Variants in PRRC2B observed in about 807,000 individuals in gnomAD.
PRRC2B encodes the protein protein PRRC2B.
A neutral mutation model predicts 242.3 loss-of-function variants in PRRC2B; 68 were observed. The observed-to-expected ratio is 0.28, with a 90% CI of 0.23 to 0.34. The LOEUF (loss-of-function observed/expected upper bound fraction) is 0.34, where lower values mean the gene tolerates loss of function less well. PRRC2B is among the 10% of genes least tolerant of loss of function. The pLI is 1.00. For missense variants in PRRC2B, 2,835 were observed against 2,954.8 expected, an observed-to-expected ratio of 0.96 and a Z score of 0.94; for synonymous variants, 1,228 against 1,173.6, an observed-to-expected ratio of 1.05 and a Z score of -0.95.
intron 2 of PRRC2B, among the ~76,000 whole-genome samples, chr9:131,431,973 T>C (rs1838190117): frequency 6.6e-6 from 1 of 152,106 alleles, no homozygotes; most frequent in Non-Finnish European, 1.5e-5. Flanking sequence ...TTTGTATTTT[T>C]AGTAGAGACA....
rs1332233780 is a variant in PRRC2B, at chr9:131,491,362, T to C, written c.6226-63T>C. The C allele has an allele frequency of 4.7e-6, 7 of 1,479,892 alleles. No homozygotes were observed. The South Asian group carries it at 9.8e-5, about 21-fold the overall frequency. 91.7% of individuals were successfully genotyped at this position (1,479,892 alleles called of 1,614,324 possible). On this transcript the variant is annotated intron_variant, in intron 28 of 31. Coordinates refer to ENST00000683519, the MANE Select transcript of PRRC2B (RefSeq NM_013318.4). ...CTGAAGTGCATGTGCGGTCGCTCTT[T>C]GGTGCGTTTGGGGTTTCTCCATAGC... is the stretch of plus-strand genomic sequence containing the variant.
In PRRC2B at chr9:131,411,527, T is replaced by C. The variant is rs867205012; in HGVS notation, c.-52+17264T>C. ...ACGCCTGGCTAATTTTTTGTATTTT[T>C]AGTAGAGACAGGGTTTCACTGTGTT... is the stretch of plus-strand genomic sequence containing the variant. On this transcript the variant is annotated intron_variant, in intron 1 of 31. Transcript: ENST00000683519. Among the ~76,000 whole-genome samples, 7 of 151,720 alleles carry C rather than the reference T, an allele frequency of 4.6e-5. No homozygotes were observed. In the South Asian group the frequency reaches 1.5e-3, roughly 32 times the overall value.
chr9:131,382,285 A>G (rs925772330), intron 1 of PRRC2B, among the ~76,000 whole-genome samples: 8 of 152,096 alleles, frequency 5.3e-5, no homozygotes, highest in Non-Finnish European at 8.8e-5. Flanking sequence ...TCAAAGTGCT[A>G]GGATTACAGA....
chr9:131,411,410 A>C (rs1238427488), intron 1 of PRRC2B, among the ~76,000 whole-genome samples: 45 of 147,096 alleles, frequency 3.1e-4, no homozygotes, highest in Admixed American at 1.7e-3. Context: ...GCAGTGGCGC[A>C]ATCTCGGCTC....
chr9:131,471,771 G>A (rs893398011), intron 14 of PRRC2B, among the ~76,000 whole-genome samples: 8 of 152,198 alleles, frequency 5.3e-5, no homozygotes, highest in African/African-American at 1.9e-4. Flanking sequence ...TTTCTCTGTA[G>A]CCTCTTCCAT....
rs1235366378 is a variant in PRRC2B, at chr9:131,499,909, G to GT, written c.*4038dup. 7.2e-5 allele frequency: 11 copies of GT among 152,218 alleles called. No individual in the cohort carries two copies. Among genetic ancestry groups the GT allele is most frequent in the Non-Finnish European group, 1.6e-4 (11 of 68,048 alleles). 9.4% of individuals were successfully genotyped at this position (152,218 alleles called of 1,614,324 possible). Reference sequence around the variant, plus strand: ...TTGTGTTTTGTTTTTGTTTCCTTTTGTTTATGTTTTGGCCTTTCCTCTTTG... The same window carrying GT: ...TTGTGTTTTGTTTTTGTTTCCTTTTGTTTTATGTTTTGGCCTTTCCTCTTTG... On this transcript the variant is annotated 3_prime_UTR_variant, in exon 32 of 32. Coordinates refer to ENST00000683519, the MANE Select transcript of PRRC2B (RefSeq NM_013318.4).
chr9:131,433,349 C>T (rs2131329367), intron 3 of PRRC2B, among the ~76,000 whole-genome samples: 1 of 152,314 alleles, frequency 6.6e-6, no homozygotes, highest in African/African-American at 2.4e-5. Flanking sequence ...CTGCAGCCTC[C>T]CTGGAGGCTC....
intron 1 of PRRC2B, among the ~76,000 whole-genome samples, chr9:131,412,673 C>T (rs373847104): frequency 6.6e-6 from 1 of 152,132 alleles, no homozygotes; most frequent in African/African-American, 2.4e-5. Context: ...CCCTGTAATT[C>T]TAGTGAAAAT....
Position 131,465,059 on chromosome 9 carries a change from C to G in PRRC2B, c.1701C>G (p.Asn567Lys), listed in dbSNP as rs750456771. Residue 567 changes from asparagine to lysine, a missense_variant, in exon 12 of 32, where the codon AAC (asparagine) becomes AAG (lysine). Coordinates refer to ENST00000683519, the MANE Select transcript of PRRC2B (RefSeq NM_013318.4). ...PSAEKASPQENGPAVHKGSPE... is the reference protein window; with the variant it reads ...PSAEKASPQEKGPAVHKGSPE... ...CTGAGAAGGCATCTCCCCAGGAAAA[C>G]GGCCCTGCTGTCCACAAAGGTAAGA... The G allele has an allele frequency of 1.2e-6, 2 of 1,613,414 alleles. No homozygotes were observed. Among genetic ancestry groups the G allele is most frequent in the African/African-American group, 1.3e-5 (1 of 75,030 alleles).
intron 23 of PRRC2B, 76 bp downstream of exon 23, chr9:131,483,521 G>A (rs1943932647): frequency 1.5e-6 from 2 of 1,318,582 alleles, no homozygotes; most frequent in Non-Finnish European, 2.2e-6. Flanking sequence ...GACAGCACAT[G>A]TATTTCAGGC....
In PRRC2B at chr9:131,470,886, C is replaced by T. The variant is rs374472470; in HGVS notation, c.2010C>T (p.Phe670=). 42 of 1,602,562 alleles carry T rather than the reference C, an allele frequency of 2.6e-5. No individual in the cohort carries two copies. Among genetic ancestry groups the T allele is most frequent in the African/African-American group, 2.7e-5 (2 of 74,456 alleles). Residue 670 remains phenylalanine (F), a synonymous_variant, in exon 14 of 32, where the codon TTC becomes TTT. Transcript: ENST00000683519. ...CACACCACCCCCAGATGTTGGGCTT[C>T]GATCCCAGGTGGATGATGATGCCTT... ...FYPHHPQMLG[F]DPRWMMMPSY... is the part of the protein sequence containing the mutation.
upstream of PRRC2B, among the ~76,000 whole-genome samples, chr9:131,393,562 AT>A (rs973962610): frequency 6.6e-6 from 1 of 152,178 alleles, no homozygotes; most frequent in Non-Finnish European, 1.5e-5. Context: ...AAAAAGTATT[AT>A]TTCTGCTTCC....
chr9:131,436,809 C>G (rs1368216052), intron 4 of PRRC2B, 87 bp downstream of exon 4: 3 of 1,101,094 alleles, frequency 2.7e-6, no homozygotes, highest in Non-Finnish European at 4.1e-6. Flanking sequence ...GGAGTTGCTA[C>G]TGAGAAGTGT....
In PRRC2B at chr9:131,475,961, G is replaced by A; in HGVS notation, c.3832G>A (p.Asp1278Asn). Reference sequence around the variant, plus strand: ...GGGCTTTGAGGACAGCCGCGCGGAGGACAAGAGATCCTTCTTCCAAGATGA... The same window carrying A: ...GGGCTTTGAGGACAGCCGCGCGGAGAACAAGAGATCCTTCTTCCAAGATGA... ...GRGFEDSRAE[D>N]KRSFFQDEHV... Residue 1278 changes from aspartate (D) to asparagine (N), a missense_variant, in exon 16 of 32, where the codon GAC (aspartate) becomes AAC (asparagine). Physicochemically the swap from Asp to Asn is conservative, Grantham distance 23. Around this residue, in one of 7 missense-constraint regions of PRRC2B, gnomAD observed 1,536 missense variants for 1,483.1 expected, o/e 1.04. Transcript: ENST00000683519. 4 of 1,612,906 alleles carry A rather than the reference G, an allele frequency of 2.5e-6. No homozygotes were observed. Among genetic ancestry groups the A allele is most frequent in the Non-Finnish European group, 3.4e-6 (4 of 1,179,044 alleles).
At chr9:131,402,101 C>G (rs1474802323) in intron 1 of PRRC2B, among the ~76,000 whole-genome samples, 1 of 152,060 alleles carries the variant, frequency 6.6e-6, no homozygotes, top group Non-Finnish European at 1.5e-5. Flanking sequence ...TCCTGAATAG[C>G]TGGGATTACA....
In PRRC2B at chr9:131,487,103, G is replaced by T; in HGVS notation, c.5857-64G>T. 1.3e-6 allele frequency: 2 copies of T among 1,515,768 alleles called. No homozygotes were observed. Among genetic ancestry groups the T allele is most frequent in the Non-Finnish European group, 1.8e-6 (2 of 1,098,842 alleles). The allele number at this position is 1,515,768 out of a possible 1,614,324, so 93.9% of individuals were successfully genotyped here. ...ATGTGGAGAGGGGCAGGGGAGGTGG[G>T]AGGGGAAGAACCACCTGGATGGGCC... On this transcript the variant is annotated intron_variant, in intron 26 of 31. Coordinates refer to ENST00000683519, the MANE Select transcript of PRRC2B (RefSeq NM_013318.4). This position sits in a 1 kb window ranked among gnomAD's most constrained non-coding sequence, Gnocchi z 5.3.
chr9:131,474,758 C>T lies in PRRC2B; in HGVS notation c.2629C>T (p.Pro877Ser), dbSNP rs1489464925. The T allele has an allele frequency of 1.9e-6, 3 of 1,612,430 alleles. No individual in the cohort carries two copies. In the African/African-American group the frequency reaches 4.0e-5, roughly 22 times the overall value. ...TGGCAGTTGGGATGTTAGCCACCAG[C>T]CAGAGACCGCTGACACAGCCCATGG... ...ECGSWDVSHQ[P>S]ETADTAHGVE... Residue 877 changes from proline to serine, a missense_variant, in exon 16 of 32, where the codon CCA becomes TCA. By Grantham distance (74) the Pro-to-Ser change is moderately conservative. Coordinates refer to ENST00000683519, the MANE Select transcript of PRRC2B (RefSeq NM_013318.4).
intron 11 of PRRC2B, 135 bp from the exon 12 acceptor site, chr9:131,464,628 T>G: frequency 3.9e-6 from 3 of 776,676 alleles, no homozygotes; most frequent in Non-Finnish European, 6.1e-6. Context: ...AACCCAGCTC[T>G]GTCTGCCACA....
chr9:131,379,761 G>C (rs1304819788), intron 1 of PRRC2B, among the ~76,000 whole-genome samples: 1 of 150,976 alleles, frequency 6.6e-6, no homozygotes, highest in Non-Finnish European at 1.5e-5. Flanking sequence ...GAGTAGCTGG[G>C]ATTACAGGCA....
Sources: gnomAD v4.1 joint callset for allele counts (sites outside exome capture counted in the v4.1 genomes callset) on GRCh38, gnomAD v4.1.1 for gene constraint, gnomAD v4.1.1 regional missense constraint, Gnocchi (gnomAD v3.1) non-coding constraint, MANE v1.5 for transcripts, NCBI Gene and HGNC (gene_info 2026-07-23, HGNC 2026-07-21) for gene names.